Variants in EFCAB8 observed in about 807,000 individuals in gnomAD.
The protein encoded by EFCAB8 is EF-hand calcium binding domain 8.
In EFCAB8, 100 loss-of-function variants were observed where a neutral mutation model predicts 116.3. That is an observed-to-expected ratio of 0.86 (90% CI 0.73 to 1.02). The LOEUF (loss-of-function observed/expected upper bound fraction) is 1.02, where lower values mean the gene tolerates loss of function less well. Ranked by LOEUF, EFCAB8 falls within the 50% of genes least tolerant of loss-of-function variation. The pLI, the probability that EFCAB8 is intolerant of heterozygous loss-of-function variation, is 0.00. For synonymous variants in EFCAB8, 558 were observed against 567.9 expected (o/e 0.98, Z 0.25); for missense variants, 1,320 against 1,416.9 (o/e 0.93, Z 1.10).
chr20:32,888,853 T>G (rs964399919), intron 6 of EFCAB8, among the ~76,000 whole-genome samples: 3 of 152,102 alleles, frequency 2.0e-5, no homozygotes, highest in Non-Finnish European at 2.9e-5. Flanking sequence ...TAATAGCAGC[T>G]GCAGTGTCCC....
At chr20:32,888,581 C>T (rs1391958108) in intron 6 of EFCAB8, among the ~76,000 whole-genome samples, 1 of 152,116 alleles carries the variant, frequency 6.6e-6, no homozygotes, top group African/African-American at 2.4e-5. Flanking sequence ...GTCTCGAACT[C>T]CTGGGCTCAA....
In EFCAB8 at chr20:32,935,192, C is replaced by CTTTTTTTTTTT. The variant is rs753039647; in HGVS notation, c.2790+3871_2790+3881dup. ...TTCTCTTTTCTTTCTTTCTTTCTTT[C>CTTTTTTTTTTT]TTTTTTTTTTTTTTTTTTTTTTTTT... On this transcript the variant is annotated intron_variant, in intron 22 of 26. Coordinates refer to ENST00000400522, the MANE Select transcript of EFCAB8 (RefSeq NM_001143967.2). 2.0e-3 allele frequency among the ~76,000 whole-genome samples: 69 copies of CTTTTTTTTTTT among 34,038 alleles called. 2 individuals carry two copies. Among genetic ancestry groups the CTTTTTTTTTTT allele is most frequent in the Middle Eastern group, 0.022 (1 of 46 alleles). 22.3% of individuals were successfully genotyped at this position (34,038 alleles called of 152,430 possible).
chr20:32,894,363 A>G (rs1986059553), intron 9 of EFCAB8, among the ~76,000 whole-genome samples: 1 of 152,144 alleles, frequency 6.6e-6, no homozygotes, highest in Non-Finnish European at 1.5e-5. Context: ...GTGGGCTGGC[A>G]CCCTGCTTGC....
In EFCAB8 at chr20:32,908,390, C is replaced by T; in HGVS notation, c.1424C>T (p.Thr475Ile). The T allele has an allele frequency of 1.6e-6, 2 of 1,249,976 alleles. No homozygotes were observed. Among genetic ancestry groups the T allele is most frequent in the Non-Finnish European group, 2.0e-6 (2 of 988,266 alleles). 77.4% of individuals were successfully genotyped at this position (1,249,976 alleles called of 1,614,324 possible). Reference sequence around the variant, plus strand: ...GCCTACTTCTTCGAGAAGGACAATACCCTCATCTGCAGCACCTACTCAGTG... The same window carrying T: ...GCCTACTTCTTCGAGAAGGACAATATCCTCATCTGCAGCACCTACTCAGTG... The part of the protein sequence containing the change: ...TSAYFFEKDN[T>I]LICSTYSIGI... The change falls in exon 14 of 27, where the codon ACC becomes ATC. Residue 475 changes from threonine to isoleucine, a missense_variant. Physicochemically the swap from Thr to Ile is moderately conservative, Grantham distance 89. Transcript: ENST00000400522.
intron 23 of EFCAB8, among the ~76,000 whole-genome samples, chr20:32,957,304 A>G (rs1989000084): frequency 6.7e-6 from 1 of 149,752 alleles, no homozygotes; most frequent in Non-Finnish European, 1.5e-5. Context: ...CATGTCATAT[A>G]TACAAAATAA....
At chr20:32,879,501 G>A (rs1373822146) in intron 5 of EFCAB8, among the ~76,000 whole-genome samples, 1 of 152,174 alleles carries the variant, frequency 6.6e-6, no homozygotes, top group Non-Finnish European at 1.5e-5. Context: ...CTCTCTAAGC[G>A]AAGACAGAGT....
At chr20:32,950,858 A>T (rs1189969751) in intron 23 of EFCAB8, among the ~76,000 whole-genome samples, 1 of 152,166 alleles carries the variant, frequency 6.6e-6, no homozygotes, top group Non-Finnish European at 1.5e-5. Context: ...TGTAGTTAGA[A>T]GAGACGTGAT....
intron 22 of EFCAB8, among the ~76,000 whole-genome samples, chr20:32,933,038 T>G (rs1160291861): frequency 6.6e-6 from 1 of 152,230 alleles, no homozygotes; most frequent in Non-Finnish European, 1.5e-5. Context: ...CTTGCAATGT[T>G]CCAGGGATGG....
At chr20:32,926,471 A>T in intron 20 of EFCAB8, among the ~76,000 whole-genome samples, 1 of 147,354 alleles carries the variant, frequency 6.8e-6, no homozygotes. Flanking sequence ...TGTGGTGGAC[A>T]GTTTTTCCTC....
At chr20:32,895,313 ATTTTTTTTTT>A (rs11353110) in intron 9 of EFCAB8, among the ~76,000 whole-genome samples, 1 of 127,722 alleles carries the variant, frequency 7.8e-6, no homozygotes, top group Non-Finnish European at 1.6e-5. Context: ...TTTATTTAAG[ATTTTTTTTTT>A]TTTTTTTTTT....
intron 3 of EFCAB8, among the ~76,000 whole-genome samples, chr20:32,870,155 CG>C (rs1984617183): frequency 6.6e-6 from 1 of 152,122 alleles, no homozygotes; most frequent in Non-Finnish European, 1.5e-5. Context: ...AGTTTACGAA[CG>C]AGTAAAGTGA....
rs1555871353 is a variant in EFCAB8, at chr20:32,948,570, A to AAGAAAG, written c.2959+4768_2959+4773dup. Reference sequence around the variant, plus strand: ...AAAGAAAGAAAGAAAGAAAGAAAGAAAGAAAGAAAGAAAAGAAAGGAAAAG... The same window carrying AAGAAAG: ...AAAGAAAGAAAGAAAGAAAGAAAGAAAGAAAGAGAAAGAAAGAAAAGAAAGGAAAAG... On this transcript the variant is annotated intron_variant, in intron 23 of 26. Transcript: ENST00000400522. Among the ~76,000 whole-genome samples, 723 of 149,782 alleles carry AAGAAAG rather than the reference A, an allele frequency of 4.8e-3. 6 individuals carry two copies. The highest frequency in any genetic ancestry group is 0.017 in the African/African-American group (681 of 39,710).
At chr20:32,936,029 T>C (rs1202197268) in intron 22 of EFCAB8, among the ~76,000 whole-genome samples, 1 of 152,002 alleles carries the variant, frequency 6.6e-6, no homozygotes, top group Non-Finnish European at 1.5e-5. Flanking sequence ...TTTTTATTTT[T>C]ATTTTTATTT....
intron 23 of EFCAB8, among the ~76,000 whole-genome samples, chr20:32,945,267 TC>T (rs1460611623): frequency 1.3e-5 from 2 of 152,104 alleles, no homozygotes; most frequent in Non-Finnish European, 2.9e-5. Flanking sequence ...CAAGTGATCT[TC>T]CCACAGCCTC....
intron 3 of EFCAB8, among the ~76,000 whole-genome samples, chr20:32,869,192 C>T (rs974363841): frequency 7.2e-5 from 11 of 152,210 alleles, no homozygotes; most frequent in Middle Eastern, 3.4e-3. Flanking sequence ...GTTTGCAAGG[C>T]TCAAGCCAAC....
intron 26 of EFCAB8, 87 bp from the exon 27 acceptor site, chr20:32,961,049 C>T: frequency 3.3e-6 from 4 of 1,200,772 alleles, no homozygotes; most frequent in Non-Finnish European, 4.8e-6. Flanking sequence ...CCTCAGGGCG[C>T]CTCCTTCCTG....
intron 23 of EFCAB8, among the ~76,000 whole-genome samples, chr20:32,952,189 C>T (rs929031881): frequency 5.9e-5 from 9 of 151,806 alleles, no homozygotes; most frequent in East Asian, 1.9e-4. Flanking sequence ...TGCTTGAGCC[C>T]GGGAGGTTGA....
At chr20:32,877,203 C>CT (rs1568902992) in intron 4 of EFCAB8, among the ~76,000 whole-genome samples, 4 of 114,000 alleles carry the variant, frequency 3.5e-5, no homozygotes, top group Non-Finnish European at 8.5e-5. Context: ...TTATTTATTT[C>CT]TTTCTTTTTT....
chr20:32,876,973 A>AAAAAC (rs553975426), intron 4 of EFCAB8, among the ~76,000 whole-genome samples: 194 of 152,210 alleles, frequency 1.3e-3, no homozygotes, highest in Non-Finnish European at 2.4e-3. Flanking sequence ...GTCTCAGGAA[A>AAAAAC]AAAACAAAAC....
Sources: allele counts gnomAD v4.1 joint callset (sites outside exome capture counted in the v4.1 genomes callset), GRCh38; gene constraint gnomAD v4.1.1; transcripts MANE v1.5; gene names NCBI Gene and HGNC (gene_info 2026-07-23, HGNC 2026-07-21).